EYS: variants seen among roughly 807,000 people sequenced by gnomAD.
EYS encodes protein eyes shut homolog.
Under a neutral mutation model 282.1 loss-of-function variants are expected in EYS, and 250 were observed. The observed-to-expected ratio is 0.89, with a 90% CI of 0.80 to 0.98. The LOEUF (loss-of-function observed/expected upper bound fraction) is 0.98. Ranked by LOEUF, EYS falls within the 50% of genes least tolerant of loss-of-function variation. The pLI is 0.00. For missense variants in EYS, 4,016 were observed against 3,709.0 expected (o/e 1.08, Z -2.15); for synonymous variants, 1,355 against 1,282.9 (o/e 1.06, Z -1.20).
At chr6:65,437,833 C>T (rs1042519462) in intron 5 of EYS, among the ~76,000 whole-genome samples, 1 of 151,110 alleles carries the variant, frequency 6.6e-6, no homozygotes, top group African/African-American at 2.4e-5. Context: ...TTTAAACATT[C>T]ATATTTTGGG....
intron 26 of EYS, among the ~76,000 whole-genome samples, chr6:64,539,030 T>A (rs1215713792): frequency 1.3e-5 from 2 of 152,176 alleles, no homozygotes. Context: ...GACTGTCATA[T>A]AAATGTGGAA....
intron 14 of EYS, among the ~76,000 whole-genome samples, chr6:64,977,290 T>G (rs529476367): frequency 6.6e-6 from 1 of 152,100 alleles, no homozygotes; most frequent in Admixed American, 6.6e-5. Flanking sequence ...TTATTATATG[T>G]GTTATGTTGA....
intron 14 of EYS, among the ~76,000 whole-genome samples, chr6:64,984,278 T>C (rs1770777922): frequency 6.6e-6 from 1 of 151,296 alleles, no homozygotes; most frequent in Admixed American, 6.6e-5. Context: ...GATTCTCCCA[T>C]TGGATGGCTT....
chr6:64,688,405 G>T (rs930260607), intron 22 of EYS, among the ~76,000 whole-genome samples: 1 of 152,122 alleles, frequency 6.6e-6, no homozygotes, highest in African/African-American at 2.4e-5. Context: ...ATGTGTCCCA[G>T]AGATTCTGGA....
intron 36 of EYS, among the ~76,000 whole-genome samples, chr6:63,845,389 ATT>A (rs61568416): frequency 6.9e-6 from 1 of 145,516 alleles, no homozygotes; most frequent in Non-Finnish European, 1.5e-5. Flanking sequence ...TGATGCAAGG[ATT>A]TTTTTTTTTT....
chr6:64,249,129 C>CA (rs1013873257), intron 30 of EYS, among the ~76,000 whole-genome samples: 4 of 145,858 alleles, frequency 2.7e-5, no homozygotes, highest in Non-Finnish European at 6.0e-5. Context: ...TTCACAATAT[C>CA]AAAAATATAG....
At chr6:64,808,851 A>T (rs935007309) in intron 22 of EYS, among the ~76,000 whole-genome samples, 4 of 152,140 alleles carry the variant, frequency 2.6e-5, no homozygotes, top group African/African-American at 7.2e-5. Context: ...TCATGAGAAA[A>T]ATCAGCAATG....
chr6:65,257,917 T>A (rs989897475), intron 12 of EYS, among the ~76,000 whole-genome samples: 2 of 151,862 alleles, frequency 1.3e-5, no homozygotes, highest in Non-Finnish European at 2.9e-5. Context: ...ATGAAAAAGA[T>A]CTAGTATTGA....
chr6:63,922,658 A>T (rs919042865), intron 35 of EYS, among the ~76,000 whole-genome samples: 3 of 152,196 alleles, frequency 2.0e-5, no homozygotes, highest in African/African-American at 7.2e-5. Flanking sequence ...ATAAAAATGT[A>T]ACTTCTCATA....
intron 35 of EYS, among the ~76,000 whole-genome samples, chr6:63,886,490 G>A (rs554175723): frequency 1.4e-4 from 22 of 152,246 alleles, no homozygotes; most frequent in South Asian, 8.3e-4. Context: ...TTTGTTAAAC[G>A]TTTGGAACAT....
chr6:65,397,425 A>G (rs1485447768), intron 7 of EYS, among the ~76,000 whole-genome samples: 2 of 151,976 alleles, frequency 1.3e-5, no homozygotes, highest in Admixed American at 1.3e-4. Flanking sequence ...CTGTATGTCA[A>G]TGTGTACCCA....
At chr6:64,421,469 C>A (rs988293862) in intron 28 of EYS, among the ~76,000 whole-genome samples, 3 of 152,032 alleles carry the variant, frequency 2.0e-5, no homozygotes, top group Non-Finnish European at 4.4e-5. Flanking sequence ...GATGTCATTT[C>A]TCATTAGTAT....
chr6:63,832,135 C>A (rs1180293555), intron 36 of EYS, among the ~76,000 whole-genome samples: 7 of 151,804 alleles, frequency 4.6e-5, no homozygotes. Context: ...AAATTGACAC[C>A]CTAACATCAC....
intron 12 of EYS, among the ~76,000 whole-genome samples, chr6:65,072,179 G>C (rs1186102367): frequency 6.6e-6 from 1 of 151,796 alleles, no homozygotes; most frequent in Non-Finnish European, 1.5e-5. Flanking sequence ...ATATTGAGCT[G>C]CCTCAGTTGT....
chr6:65,374,597 CG>C (rs1167764410), intron 8 of EYS, among the ~76,000 whole-genome samples: 1 of 151,432 alleles, frequency 6.6e-6, no homozygotes, highest in East Asian at 2.0e-4. Context: ...GGGAGCAAAG[CG>C]GTCTGGCTCA....
chr6:65,249,721 G>A lies in EYS; in HGVS notation c.2023+46142C>T, dbSNP rs376061121. On this transcript the variant is annotated intron_variant, in intron 12 of 42. Transcript: ENST00000503581. ...AAACACTTTTTTCTTTGAATTTAAA[G>A]TACATATGCTGCTTCTGTCATAATA... is the stretch of plus-strand genomic sequence containing the variant. Among the ~76,000 whole-genome samples the A allele has an allele frequency of 9.2e-5, 14 of 152,086 alleles. No homozygotes were observed. In the East Asian group the frequency reaches 1.5e-3, roughly 17 times the overall value.
intron 26 of EYS, among the ~76,000 whole-genome samples, chr6:64,475,685 A>G (rs1045306246): frequency 6.6e-6 from 1 of 152,126 alleles, no homozygotes; most frequent in African/African-American, 2.4e-5. Flanking sequence ...CTCTATTAAA[A>G]AAGTCACTTA....
chr6:64,490,468 G>A (rs1043292827), intron 26 of EYS, among the ~76,000 whole-genome samples: 5 of 150,590 alleles, frequency 3.3e-5, no homozygotes, highest in African/African-American at 1.2e-4. Flanking sequence ...AATAACAGAG[G>A]CAAACTCTTA....
chr6:63,949,241 C>A (rs1017834518), intron 35 of EYS, among the ~76,000 whole-genome samples: 12 of 152,144 alleles, frequency 7.9e-5, no homozygotes, highest in Non-Finnish European at 1.3e-4. Flanking sequence ...CTCCCTTTGG[C>A]ATAAATTTTA....
Sources: gnomAD v4.1 joint callset for allele counts (sites outside exome capture counted in the v4.1 genomes callset) on GRCh38, gnomAD v4.1.1 for gene constraint, MANE v1.5 for transcripts, NCBI Gene and HGNC (gene_info 2026-07-23, HGNC 2026-07-21) for gene names.